GFRA1: variants seen among roughly 807,000 people sequenced by gnomAD.
The protein encoded by GFRA1 is GDNF family receptor alpha-1.
GFRA1 carries 16 observed loss-of-function variants against 51.6 expected under a neutral mutation model. The ratio of observed to expected loss-of-function variants is 0.31; its 90% CI spans 0.21 to 0.47. The LOEUF (loss-of-function observed/expected upper bound fraction) is 0.47. GFRA1 is among the 20% of genes least tolerant of loss of function. The pLI is 1.00. For missense variants in GFRA1, 530 were observed against 594.3 expected (o/e 0.89, Z 1.13); for synonymous variants, 270 against 241.3 (o/e 1.12, Z -1.10).
chr10:116,077,963 G>A (rs550264205), intron 9 of GFRA1, among the ~76,000 whole-genome samples: 79 of 152,282 alleles, frequency 5.2e-4, no homozygotes, highest in South Asian at 1.2e-3. Context: ...TTCCCTTAAC[G>A]TCTCCCCATG....
Position 116,064,177 on chromosome 10 carries a change from A to AGCCTTCTG in GFRA1, c.*213_*220dup, listed in dbSNP as rs1954979438. On this transcript the variant is annotated 3_prime_UTR_variant, in exon 11 of 11. Coordinates refer to ENST00000355422, the MANE Select transcript of GFRA1 (RefSeq NM_005264.8). The stretch of plus-strand genomic sequence containing the variant: ...CCCTTTAAAATACAGCATATCCCAA[A>AGCCTTCTG]GCCTTCTGAGTTTGGATGGAGCACT... 3.7e-6 allele frequency: 2 copies of AGCCTTCTG among 544,844 alleles called. No homozygotes were observed. The highest frequency in any genetic ancestry group is 6.6e-6 in the Non-Finnish European group (2 of 305,100). The allele number at this position is 544,844 out of a possible 1,614,324, so 33.8% of individuals were successfully genotyped here. A position where few individuals can be genotyped will look rare whatever the true frequency, so the allele number is the denominator to read the frequency against.
intron 5 of GFRA1, among the ~76,000 whole-genome samples, chr10:116,187,664 T>C (rs2134305292): frequency 6.6e-6 from 1 of 152,300 alleles, no homozygotes; most frequent in African/African-American, 2.4e-5. Context: ...TAGGTTAATA[T>C]TAAAATTCAT....
intron 4 of GFRA1, among the ~76,000 whole-genome samples, chr10:116,231,766 A>T (rs1966689556): frequency 6.6e-6 from 1 of 152,206 alleles, no homozygotes; most frequent in Admixed American, 6.5e-5. Context: ...TTAAATTCTA[A>T]CTACAATATA....
At chr10:116,137,383 C>A (rs1218674417) in intron 5 of GFRA1, among the ~76,000 whole-genome samples, 1 of 152,212 alleles carries the variant, frequency 6.6e-6, no homozygotes, top group African/African-American at 2.4e-5. Context: ...CAAAGATAAG[C>A]TAAATATCAG....
At chr10:116,250,310 G>C (rs984232331) in intron 4 of GFRA1, among the ~76,000 whole-genome samples, 5 of 152,144 alleles carry the variant, frequency 3.3e-5, no homozygotes, top group African/African-American at 1.2e-4. Flanking sequence ...CAACTAAGGA[G>C]AGAGGACCCA....
chr10:116,141,880 G>A (rs770052486), intron 5 of GFRA1, among the ~76,000 whole-genome samples: 3 of 152,052 alleles, frequency 2.0e-5, no homozygotes. Flanking sequence ...CACCATACCC[G>A]ACCTCTTTTT....
chr10:116,121,279 C>T (rs1374016421), intron 6 of GFRA1, among the ~76,000 whole-genome samples: 2 of 152,132 alleles, frequency 1.3e-5, no homozygotes, highest in African/African-American at 4.8e-5. Context: ...GGAAACCTGG[C>T]AGGGGAGGCA....
chr10:116,066,446 C>T (rs1955119486), intron 9 of GFRA1, among the ~76,000 whole-genome samples: 1 of 152,138 alleles, frequency 6.6e-6, no homozygotes, highest in Non-Finnish European at 1.5e-5. Context: ...CATTGAACTC[C>T]CTGTTTCTCC....
At chr10:116,249,333 G>A (rs1304598125) in intron 4 of GFRA1, among the ~76,000 whole-genome samples, 2 of 152,150 alleles carry the variant, frequency 1.3e-5, no homozygotes, top group East Asian at 1.9e-4. Context: ...CACAAGAGAC[G>A]AGTGTGGCGC....
intron 5 of GFRA1, among the ~76,000 whole-genome samples, chr10:116,205,445 C>T (rs1287025612): frequency 6.6e-6 from 1 of 151,618 alleles, no homozygotes; most frequent in African/African-American, 2.4e-5. Flanking sequence ...CGTAGCGGCA[C>T]GTGCCTGTAA....
At chr10:116,139,830 C>A (rs1429931592) in intron 5 of GFRA1, among the ~76,000 whole-genome samples, 1 of 152,230 alleles carries the variant, frequency 6.6e-6, no homozygotes. Context: ...GGTCCCTGCC[C>A]TTGCACTAAA....
At chr10:116,109,360 T>TA (rs1354162462) in intron 6 of GFRA1, among the ~76,000 whole-genome samples, 1 of 152,208 alleles carries the variant, frequency 6.6e-6, no homozygotes, top group Non-Finnish European at 1.5e-5. Flanking sequence ...AAATCTGATT[T>TA]AGGTGGATAT....
intron 6 of GFRA1, among the ~76,000 whole-genome samples, chr10:116,103,998 G>A (rs1459541142): frequency 6.6e-6 from 1 of 151,626 alleles, no homozygotes; most frequent in African/African-American, 2.4e-5. Flanking sequence ...CTGAGGAGCT[G>A]AGCTGCGATT....
intron 5 of GFRA1, among the ~76,000 whole-genome samples, chr10:116,159,353 T>A (rs536831701): frequency 6.6e-6 from 1 of 152,302 alleles, no homozygotes; most frequent in East Asian, 1.9e-4. Flanking sequence ...TGGGTCATAC[T>A]GGTTTCAAGA....
chr10:116,237,889 G>T (rs368662423), intron 4 of GFRA1, among the ~76,000 whole-genome samples: 16 of 152,148 alleles, frequency 1.1e-4, no homozygotes, highest in African/African-American at 3.6e-4. Flanking sequence ...GTTCCTAGGG[G>T]CAAACAACAC....
chr10:116,186,047 C>A (rs767875234), intron 5 of GFRA1, among the ~76,000 whole-genome samples: 23 of 152,046 alleles, frequency 1.5e-4, no homozygotes, highest in Non-Finnish European at 2.8e-4. Flanking sequence ...GAGCAAGAAC[C>A]AAGGGGAATT....
intron 5 of GFRA1, among the ~76,000 whole-genome samples, chr10:116,196,529 A>G (rs553775886): frequency 6.5e-4 from 87 of 134,446 alleles, no homozygotes; most frequent in Non-Finnish European, 9.7e-4. Context: ...AAATTTATAT[A>G]TTTATAAATT....
chr10:116,083,918 A>G (rs968817741), intron 9 of GFRA1, among the ~76,000 whole-genome samples: 1 of 151,998 alleles, frequency 6.6e-6, no homozygotes, highest in Non-Finnish European at 1.5e-5. Context: ...CTCTGCAAAC[A>G]TTAGGCTGCA....
At chr10:116,260,698 T>C (rs1969235910) in intron 4 of GFRA1, among the ~76,000 whole-genome samples, 1 of 152,148 alleles carries the variant, frequency 6.6e-6, no homozygotes, top group Non-Finnish European at 1.5e-5. Context: ...AATAGCTGCT[T>C]TCACCCCTAA....
Sources: gnomAD v4.1 joint callset for allele counts (sites outside exome capture counted in the v4.1 genomes callset) on GRCh38, gnomAD v4.1.1 for gene constraint, MANE v1.5 for transcripts, NCBI Gene and HGNC (gene_info 2026-07-23, HGNC 2026-07-21) for gene names.